Variants in AVL9 observed in about 807,000 individuals in gnomAD.
AVL9 encodes the protein AVL9 cell migration associated, also known as late secretory pathway protein AVL9 homolog.
Under a neutral mutation model 79.2 loss-of-function variants are expected in AVL9, and 49 were observed. The observed-to-expected ratio is 0.62, with a 90% confidence interval of 0.49 to 0.79. The LOEUF (loss-of-function observed/expected upper bound fraction) is 0.79, where lower values mean the gene tolerates loss of function less well. AVL9 is among the 30% of genes least tolerant of loss of function. The pLI is 0.00. For synonymous variants in AVL9, 299 were observed against 280.6 expected, an observed-to-expected ratio of 1.07 and a Z score of -0.65; for missense variants, 682 against 776.8, an observed-to-expected ratio of 0.88 and a Z score of 1.45.
chr7:32,541,091 C>T (rs1346894646), intron 1 of AVL9, among the ~76,000 whole-genome samples: 1 of 151,440 alleles, frequency 6.6e-6, no homozygotes, highest in Non-Finnish European at 1.5e-5. Flanking sequence ...TTAGTAGAGA[C>T]GGGGTTTCAC....
At chr7:32,548,151 C>CTTTTGTTTTCTTTTTTTTTTTTT (rs71559236) in intron 3 of AVL9, among the ~76,000 whole-genome samples, 5 of 131,596 alleles carry the variant, frequency 3.8e-5, no homozygotes, top group East Asian at 2.1e-4. Flanking sequence ...TCTCTTTTTT[C>CTTTTGTTTTCTTTTTTTTTTTTT]TTTTTTTTTT....
intron 1 of AVL9, chr7:32,534,687 T>C (rs1480365562): frequency 6.6e-6 from 1 of 152,218 alleles, no homozygotes; most frequent in Non-Finnish European, 1.5e-5. Flanking sequence ...TTTAGGCCTT[T>C]AATCCCAGCA....
intron 1 of AVL9, among the ~76,000 whole-genome samples, chr7:32,524,399 C>G (rs1244715547): frequency 2.0e-5 from 3 of 151,960 alleles, no homozygotes; most frequent in Non-Finnish European, 4.4e-5. Context: ...GCTGTAATCC[C>G]AGCTACTCGG....
At chr7:32,502,970 A>G (rs1343547110) in intron 1 of AVL9, among the ~76,000 whole-genome samples, 1 of 152,180 alleles carries the variant, frequency 6.6e-6, no homozygotes, top group Non-Finnish European at 1.5e-5. Context: ...TTGGGAGACC[A>G]CATCTACTGA....
At chr7:32,576,993 T>A (rs565051539) in intron 13 of AVL9, among the ~76,000 whole-genome samples, 1 of 152,130 alleles carries the variant, frequency 6.6e-6, no homozygotes, top group Admixed American at 6.5e-5. Context: ...ACAGAGAGCA[T>A]TGAAGGAGAT....
chr7:32,584,498 T>G lies in AVL9; in HGVS notation c.*591T>G, dbSNP rs1583619857. ...GAGGATTGGGTGTTTTGTTTTACGT[T>G]TTTAGTTTGTTCTTTCCACATCCTT... is the stretch of plus-strand genomic sequence containing the variant. On this transcript the variant is annotated 3_prime_UTR_variant, in exon 16 of 16. Coordinates refer to ENST00000318709, the MANE Select transcript of AVL9 (RefSeq NM_015060.3). The G allele has an allele frequency of 6.4e-6, 1 of 155,088 alleles. No homozygotes were observed. Among genetic ancestry groups the G allele is most frequent in the East Asian group, 1.9e-4 (1 of 5,256 alleles). The allele number at this position is 155,088 out of a possible 1,614,324, so 9.6% of individuals were successfully genotyped here. A position where few individuals can be genotyped will look rare whatever the true frequency, so the allele number is the denominator to read the frequency against.
chr7:32,580,937 C>T, intron 15 of AVL9, 47 bp downstream of exon 15: 3 of 1,328,480 alleles, frequency 2.3e-6, no homozygotes, highest in Non-Finnish European at 3.2e-6. Flanking sequence ...ACAACACATC[C>T]ATTTTCTATC....
intron 4 of AVL9, among the ~76,000 whole-genome samples, chr7:32,549,632 T>TG (rs1789708120): frequency 6.7e-6 from 1 of 150,270 alleles, no homozygotes; most frequent in Non-Finnish European, 1.5e-5. Context: ...GGAATGGCTG[T>TG]GGCCGGGCAT....
intron 1 of AVL9, among the ~76,000 whole-genome samples, chr7:32,503,369 T>TAC (rs1237567459): frequency 0.017 from 1,701 of 101,322 alleles, 29 homozygotes; most frequent in East Asian, 0.034. Flanking sequence ...GAGATATATA[T>TAC]ATATACACAC....
intron 2 of AVL9, among the ~76,000 whole-genome samples, chr7:32,543,880 C>T (rs4723171): frequency 0.67 from 100,873 of 151,482 alleles, 33,835 homozygotes; most frequent in Admixed American, 0.74. Flanking sequence ...TTTGTTGTTA[C>T]TGTTGCTATT....
intron 1 of AVL9, among the ~76,000 whole-genome samples, chr7:32,527,722 A>T (rs1384410014): frequency 6.6e-6 from 1 of 152,174 alleles, no homozygotes; most frequent in Non-Finnish European, 1.5e-5. Context: ...ACACTATGGG[A>T]CAGAATTAAA....
At position 32,503,345 on chromosome 7, in the gene AVL9, G is replaced by GATATAT. The variant is rs1562749405; in HGVS notation, c.93+7548_93+7549insTATATA. Among the ~76,000 whole-genome samples, 3 of 77,640 alleles carry GATATAT rather than the reference G, an allele frequency of 3.9e-5. No homozygotes were observed. The South Asian group carries it at 1.3e-3, about 32-fold the overall frequency. The allele number at this position is 77,640 out of a possible 152,430, so 50.9% of individuals were successfully genotyped here. On this transcript the variant is annotated intron_variant, in intron 1 of 15. Coordinates refer to ENST00000318709, the MANE Select transcript of AVL9 (RefSeq NM_015060.3). ...ATATATATATATATCTATATATATA[G>GATATAT]ATATAGATATAGAGAGATATATATA...
intron 8 of AVL9, among the ~76,000 whole-genome samples, chr7:32,557,949 G>A (rs1335538271): frequency 2.0e-5 from 3 of 149,094 alleles, no homozygotes; most frequent in African/African-American, 2.5e-5. Flanking sequence ...TCCACCTCCC[G>A]GGTTCAAGCA....
At chr7:32,559,639 T>C (rs1373356185) in intron 10 of AVL9, among the ~76,000 whole-genome samples, 175 bp downstream of exon 10, 1 of 152,156 alleles carries the variant, frequency 6.6e-6, no homozygotes, top group Non-Finnish European at 1.5e-5. Context: ...TATAAGTCTA[T>C]GGGGAAGTAT....
chr7:32,570,170 AGTGT>A lies in AVL9; in HGVS notation c.1350+21_1350+24del, dbSNP rs758869252. Reference sequence around the variant, plus strand: ...CATTGTGGAAGTACGTTTATGTGTGAGTGTGTGTATTTGGCCCTGCTCATCCCAG... The same window carrying A: ...CATTGTGGAAGTACGTTTATGTGTGAGTGTATTTGGCCCTGCTCATCCCAG... On this transcript the variant is annotated intron_variant, in intron 11 of 15. Coordinates refer to ENST00000318709, the MANE Select transcript of AVL9 (RefSeq NM_015060.3). 6.2e-7 allele frequency: 1 copy of A among 1,613,916 alleles called. No homozygotes were observed. Among genetic ancestry groups the A allele is most frequent in the Non-Finnish European group, 8.5e-7 (1 of 1,179,860 alleles).
intron 1 of AVL9, among the ~76,000 whole-genome samples, chr7:32,527,878 A>G (rs1161548695): frequency 3.3e-5 from 5 of 152,122 alleles, no homozygotes; most frequent in African/African-American, 1.2e-4. Context: ...TGGCCAGGGT[A>G]CCGTAAAATT....
At chr7:32,502,902 A>G (rs1376051400) in intron 1 of AVL9, among the ~76,000 whole-genome samples, 2 of 152,198 alleles carry the variant, frequency 1.3e-5, no homozygotes, top group Non-Finnish European at 2.9e-5. Flanking sequence ...TGTCAATACT[A>G]TCCATAGTGA....
chr7:32,540,928 T>A (rs1789162816), intron 1 of AVL9, among the ~76,000 whole-genome samples: 1 of 127,138 alleles, frequency 7.9e-6, no homozygotes, highest in Non-Finnish European at 1.6e-5. Flanking sequence ...AGACGGAGTC[T>A]CGCTCTGTCG....
At chr7:32,570,550 C>G (rs113646827) in intron 11 of AVL9, among the ~76,000 whole-genome samples, 1,760 of 152,094 alleles carry the variant, frequency 0.012, 34 homozygotes, top group African/African-American at 0.04. Context: ...AAGACGAAAG[C>G]TAGGAATAAA....
Sources: allele counts gnomAD v4.1 joint callset (sites outside exome capture counted in the v4.1 genomes callset), GRCh38; gene constraint gnomAD v4.1.1; transcripts MANE v1.5; gene names NCBI Gene and HGNC (gene_info 2026-07-23, HGNC 2026-07-21).